Variants in CMIP observed in about 807,000 individuals in gnomAD.
The protein encoded by CMIP is c-Maf inducing protein, also known as C-Maf-inducing protein.
CMIP carries 13 observed loss-of-function variants against 97.3 expected under a neutral mutation model. The ratio of observed to expected loss-of-function variants is 0.13; its 90% confidence interval spans 0.09 to 0.21. The LOEUF (loss-of-function observed/expected upper bound fraction) is 0.21. CMIP is among the 10% of genes least tolerant of loss of function. The pLI is 1.00. For missense variants in CMIP, 847 were observed against 1,024.9 expected (o/e 0.83, Z 2.37); for synonymous variants, 538 against 436.3 (o/e 1.23, Z -2.91).
Position 81,453,606 on chromosome 16 carries a change from G to A in CMIP, c.300+8065G>A, listed in dbSNP as rs932021264. Among the ~76,000 whole-genome samples the A allele has an allele frequency of 6.6e-6, 1 of 152,212 alleles. No individual in the cohort carries two copies. Among genetic ancestry groups the A allele is most frequent in the Non-Finnish European group, 1.5e-5 (1 of 68,032 alleles). ...TTTACCAACACACACACCGGTGCGA[G>A]GCTCTGCAGGGAAGGAGAGCCACGG... On this transcript the variant is annotated intron_variant, in intron 1 of 20. Transcript: ENST00000537098. This position sits in a 1 kb window ranked among gnomAD's most constrained non-coding sequence, Gnocchi z 4.0.
At chr16:81,465,946 C>G (rs1417416752) in intron 1 of CMIP, among the ~76,000 whole-genome samples, 3 of 152,226 alleles carry the variant, frequency 2.0e-5, no homozygotes, top group African/African-American at 7.2e-5. Context: ...ACAACCCTTG[C>G]AGAGAAGAAG....
rs1335281427 is a variant in CMIP at position 81,655,974 on chromosome 16, G to C, written c.640-1801G>C. Among the ~76,000 whole-genome samples the C allele has an allele frequency of 6.6e-6, 1 of 152,156 alleles. No individual in the cohort carries two copies. The highest frequency in any genetic ancestry group is 2.4e-5 in the African/African-American group (1 of 41,438). On this transcript the variant is annotated intron_variant, in intron 4 of 20. Coordinates refer to ENST00000537098, the MANE Select transcript of CMIP (RefSeq NM_198390.3). The surrounding 1 kb of genome is among the most constrained non-coding windows in gnomAD (Gnocchi z 4.9). ...CAGTCATAAGGAGAGACCAAGGCCA[G>C]GCTTCTCCCCGAAGCTGAAAAATGA...
intron 1 of CMIP, among the ~76,000 whole-genome samples, chr16:81,540,746 T>A (rs2090434336): frequency 6.6e-6 from 1 of 151,164 alleles, no homozygotes; most frequent in Non-Finnish European, 1.5e-5. Context: ...AGTGGCGCGA[T>A]CTCGGCTTAC....
rs973874905 is a variant in CMIP at position 81,445,557 on chromosome 16, C to T, written c.300+16C>T. On this transcript the variant is annotated intron_variant, in intron 1 of 20. Coordinates refer to ENST00000537098, the MANE Select transcript of CMIP (RefSeq NM_198390.3). ...GTCCGCCACGGTGAGTGGCTCTGCG[C>T]GGCTGCACCCCCGCCTCTCCTCGGG... 46 of 1,531,598 alleles carry T rather than the reference C, an allele frequency of 3.0e-5. No homozygotes were observed. The highest frequency in any genetic ancestry group is 3.9e-5 in the Non-Finnish European group (45 of 1,140,378). 94.9% of individuals were successfully genotyped at this position (1,531,598 alleles called of 1,614,324 possible). A position where few individuals can be genotyped will look rare whatever the true frequency, so the allele number is the denominator to read the frequency against.
At chr16:81,598,830 G>A (rs1412264138) in intron 1 of CMIP, among the ~76,000 whole-genome samples, 3 of 152,080 alleles carry the variant, frequency 2.0e-5, no homozygotes, top group African/African-American at 2.4e-5. Flanking sequence ...TTATCTGGGC[G>A]TGGTGTTGTG....
rs377345042 is a variant in CMIP at position 81,687,542 on chromosome 16, G to A, written c.1389-4233G>A. The stretch of plus-strand genomic sequence containing the variant: ...GTGCAGGTGCTGGGGCCGAGAGGAC[G>A]GGTCATGGTCTTTGAAGCACCTGAG... On this transcript the variant is annotated intron_variant, in intron 10 of 20. Transcript: ENST00000537098. Among the ~76,000 whole-genome samples the A allele has an allele frequency of 5.9e-5, 9 of 152,306 alleles. No individual in the cohort carries two copies. In the East Asian group the frequency reaches 7.7e-4, roughly 13 times the overall value.
intron 18 of CMIP, 130 bp downstream of exon 18, chr16:81,704,215 C>G: frequency 3.3e-6 from 2 of 611,430 alleles, no homozygotes; most frequent in South Asian, 3.7e-5. Flanking sequence ...CCTTCCTGCC[C>G]CCTCCCCCTC....
chr16:81,590,023 A>G (rs1301117271), intron 1 of CMIP, among the ~76,000 whole-genome samples: 1 of 151,554 alleles, frequency 6.6e-6, no homozygotes, highest in Non-Finnish European at 1.5e-5. Flanking sequence ...CTGGAGGCCC[A>G]GGGATTGACT....
intron 1 of CMIP, among the ~76,000 whole-genome samples, chr16:81,566,671 G>A (rs907242114): frequency 1.3e-5 from 2 of 152,208 alleles, no homozygotes; most frequent in Non-Finnish European, 2.9e-5. Flanking sequence ...AGAGAACTGA[G>A]TGCTTCTGTC....
At chr16:81,687,174 T>C (rs1258069933) in intron 10 of CMIP, among the ~76,000 whole-genome samples, 1 of 152,164 alleles carries the variant, frequency 6.6e-6, no homozygotes, top group Non-Finnish European at 1.5e-5. Flanking sequence ...GGTCCCAGTG[T>C]GCACTGGGCC....
chr16:81,643,028 G>A (rs2092324274), intron 3 of CMIP, among the ~76,000 whole-genome samples: 1 of 152,252 alleles, frequency 6.6e-6, no homozygotes, highest in African/African-American at 2.4e-5. Flanking sequence ...AGGCCACATT[G>A]TGTATGATTT....
chr16:81,481,415 G>T (rs1056034968), intron 1 of CMIP, among the ~76,000 whole-genome samples: 1 of 152,232 alleles, frequency 6.6e-6, no homozygotes, highest in African/African-American at 2.4e-5. Flanking sequence ...CTTTCCCAAC[G>T]TTACACAGCT....
At chr16:81,594,194 T>C (rs2091513057) in intron 1 of CMIP, among the ~76,000 whole-genome samples, 1 of 148,652 alleles carries the variant, frequency 6.7e-6, no homozygotes, top group Non-Finnish European at 1.5e-5. Flanking sequence ...ATCGGCTCAG[T>C]GCAACCTCCA....
chr16:81,672,095 C>G (rs1469556585), intron 9 of CMIP, 25 bp downstream of exon 9: 11 of 1,437,432 alleles, frequency 7.7e-6, no homozygotes, highest in Non-Finnish European at 1.1e-5. Context: ...CACCGCCACC[C>G]AGAGGGCTTG....
At chr16:81,649,324 T>G (rs2092401056) in intron 3 of CMIP, among the ~76,000 whole-genome samples, 1 of 152,222 alleles carries the variant, frequency 6.6e-6, no homozygotes, top group Admixed American at 6.5e-5. Context: ...GGAGGGGAGC[T>G]GTGGATGAGC....
intron 1 of CMIP, among the ~76,000 whole-genome samples, chr16:81,488,168 T>C (rs1026219236): frequency 1.3e-5 from 2 of 152,192 alleles, no homozygotes; most frequent in Non-Finnish European, 2.9e-5. Context: ...ATTGTTATTA[T>C]TGTTATGGTT....
At chr16:81,534,913 C>G (rs1282331740) in intron 1 of CMIP, among the ~76,000 whole-genome samples, 1 of 152,164 alleles carries the variant, frequency 6.6e-6, no homozygotes, top group Non-Finnish European at 1.5e-5. Flanking sequence ...ACTGTCCTTG[C>G]TCTGCCACTG....
intron 2 of CMIP, among the ~76,000 whole-genome samples, chr16:81,615,962 G>A (rs1219883779): frequency 6.6e-6 from 1 of 152,024 alleles, no homozygotes; most frequent in Non-Finnish European, 1.5e-5. Flanking sequence ...AGCCTAAACG[G>A]GGGTGGGGAG....
chr16:81,647,888 C>T lies in CMIP; in HGVS notation c.478-4315C>T, dbSNP rs1315025090. Among the ~76,000 whole-genome samples the T allele has an allele frequency of 2.0e-5, 3 of 151,556 alleles. No homozygotes were observed. The East Asian group carries it at 5.9e-4, about 30-fold the overall frequency. On this transcript the variant is annotated intron_variant, in intron 3 of 20. Transcript: ENST00000537098. Reference sequence around the variant, plus strand: ...GGAACAGGGGCCTGCCTGCAGCCCGCACCCACAACGCCGTAGCCCACCCTC... The same window carrying T: ...GGAACAGGGGCCTGCCTGCAGCCCGTACCCACAACGCCGTAGCCCACCCTC...
Sources: gnomAD v4.1 joint callset for allele counts (sites outside exome capture counted in the v4.1 genomes callset) on GRCh38, gnomAD v4.1.1 for gene constraint, Gnocchi (gnomAD v3.1) non-coding constraint, MANE v1.5 for transcripts, NCBI Gene and HGNC (gene_info 2026-07-23, HGNC 2026-07-21) for gene names.